Variants in SCN2A observed in about 807,000 individuals in gnomAD.
SCN2A encodes the protein sodium voltage-gated channel alpha subunit 2, also known as sodium channel protein type 2 subunit alpha.
A neutral mutation model predicts 188.7 loss-of-function variants in SCN2A; 20 were observed. The ratio of observed to expected loss-of-function variants is 0.11; its 90% confidence interval spans 0.07 to 0.15. SCN2A has a LOEUF of 0.15. Among genes scored for constraint, SCN2A ranks in the 10% least tolerant of loss-of-function variants. The pLI is 1.00. For missense variants in SCN2A, 1,278 were observed against 2,445.0 expected, an observed-to-expected ratio of 0.52 and a Z score of 10.07; for synonymous variants, 804 against 833.1, an observed-to-expected ratio of 0.97 and a Z score of 0.60.
chr2:165,329,950 C>T (rs1245428529), intron 13 of SCN2A, among the ~76,000 whole-genome samples: 1 of 152,044 alleles, frequency 6.6e-6, no homozygotes, highest in Non-Finnish European at 1.5e-5. Context: ...ATTGACAAAT[C>T]TATTTTTAGT....
At chr2:165,328,575 A>G in intron 13 of SCN2A, 1 of 890,762 alleles carries the variant, frequency 1.1e-6, no homozygotes, top group Non-Finnish European at 1.3e-6. Flanking sequence ...TGCACTTCTG[A>G]TAGCATTAAG....
chr2:165,388,994 G>T lies in SCN2A; in HGVS notation c.5188G>T (p.Asp1730Tyr). ...ACCTATTCTTAATAGTGGACCTCCA[G>T]ACTGTGACCCTGACAAAGATCACCC... is the stretch of plus-strand genomic sequence containing the variant. ...LAPILNSGPPDCDPDKDHPGS... is the reference protein window; with the variant it reads ...LAPILNSGPPYCDPDKDHPGS... The change falls in exon 27 of 27, where the codon GAC becomes TAC. Residue 1730 changes from aspartate to tyrosine, a missense_variant. By Grantham distance (160) the Asp-to-Tyr change is radical (BLOSUM62 -3). Transcript: ENST00000375437. 1 of 1,614,138 alleles carries T rather than the reference G, an allele frequency of 6.2e-7. No individual in the cohort carries two copies.
At position 165,386,899 on chromosome 2, in the gene SCN2A, G is replaced by C; in HGVS notation, c.4705G>C (p.Val1569Leu). The change falls in exon 26 of 27, where the codon GTG (valine) becomes CTG (leucine). Residue 1569 changes from valine to leucine, a missense_variant. Val to Leu is a conservative substitution (Grantham distance 32). Coordinates refer to ENST00000375437, the MANE Select transcript of SCN2A (RefSeq NM_001040142.2). ...AAACATTCTGTACTGGATTAATCTG[G>C]TGTTTATTGTTCTGTTCACTGGAGA... The part of the protein sequence containing the change: ...MTNILYWINL[V>L]FIVLFTGECV... 6.2e-7 allele frequency: 1 copy of C among 1,613,920 alleles called. No homozygotes were observed. The highest frequency in any genetic ancestry group is 1.1e-5 in the South Asian group (1 of 91,070).
intron 11 of SCN2A, among the ~76,000 whole-genome samples, chr2:165,321,691 C>A (rs1395791295): frequency 6.6e-6 from 1 of 152,112 alleles, no homozygotes; most frequent in Non-Finnish European, 1.5e-5. Context: ...TCTCATGAGA[C>A]TTATTCACTA....
At chr2:165,243,801 G>C (rs1262305035) in intron 1 of SCN2A, 1 of 152,078 alleles carries the variant, frequency 6.6e-6, no homozygotes, top group African/African-American at 2.4e-5. Context: ...GCAGTGGAAA[G>C]ACTTGAAGAA....
chr2:165,256,501 A>G (rs1694335306), intron 1 of SCN2A, among the ~76,000 whole-genome samples: 1 of 152,142 alleles, frequency 6.6e-6, no homozygotes, highest in African/African-American at 2.4e-5. Flanking sequence ...CATTCTTAAT[A>G]ATTATTTCCA....
At chr2:165,294,040 A>ATTTT (rs1553563950) in intron 1 of SCN2A, 29 of 630,308 alleles carry the variant, frequency 4.6e-5, no homozygotes, top group Non-Finnish European at 5.2e-5. Flanking sequence ...AAAAAAAAAG[A>ATTTT]TTTTTTTTTT....
rs777139 is a variant in SCN2A, at chr2:165,323,837, T to A, written c.2016+337T>A. ...TAAATCCAAGGAAATTAATGCTCAC[T>A]AATTAAATAAATACTTAAGGATTTT... On this transcript the variant is annotated intron_variant, in intron 12 of 26. Coordinates refer to ENST00000375437, the MANE Select transcript of SCN2A (RefSeq NM_001040142.2). 0.99 allele frequency among the ~76,000 whole-genome samples: 150,923 copies of A among 152,352 alleles called. 74,769 individuals carry two copies. The highest frequency in any genetic ancestry group is 1 in the Middle Eastern group (294 of 294).
intron 1 of SCN2A, among the ~76,000 whole-genome samples, chr2:165,245,976 C>G (rs1020607775): frequency 2.6e-5 from 4 of 152,074 alleles, no homozygotes; most frequent in Non-Finnish European, 5.9e-5. Context: ...TTGTTGAATC[C>G]TTAGTTATAT....
At position 165,265,471 on chromosome 2, in the gene SCN2A, CTATATATATATATA is replaced by C. The variant is rs1178289931; in HGVS notation, c.-52+25863_-52+25876del. ...TAGGTTATGTGTTTACTCTGTTGAT[CTATATATATATATA>C]TATATATATATATATATATATATAT... is the stretch of plus-strand genomic sequence containing the variant. On this transcript the variant is annotated intron_variant, in intron 1 of 26. Transcript: ENST00000375437. 7.2e-3 allele frequency among the ~76,000 whole-genome samples: 208 copies of C among 29,022 alleles called. 5 individuals carry two copies. The highest frequency in any genetic ancestry group is 0.012 in the South Asian group (6 of 506). 19.0% of individuals were successfully genotyped at this position (29,022 alleles called of 152,430 possible).
intron 14 of SCN2A, among the ~76,000 whole-genome samples, chr2:165,333,191 C>CAA (rs1698792624): frequency 6.6e-6 from 1 of 151,712 alleles, no homozygotes; most frequent in Admixed American, 6.6e-5. Context: ...ATTATGAAGA[C>CAA]AATAATTAGG....
At chr2:165,309,029 G>T in intron 5 of SCN2A, 1 of 1,111,936 alleles carries the variant, frequency 9.0e-7, no homozygotes, top group Non-Finnish European at 1.3e-6. Flanking sequence ...CAGAGATTAT[G>T]ATTGATGACA....
chr2:165,330,936 A>G (rs938646741), intron 13 of SCN2A, among the ~76,000 whole-genome samples: 3 of 152,212 alleles, frequency 2.0e-5, no homozygotes, highest in African/African-American at 7.2e-5. Flanking sequence ...AGTGTGACTG[A>G]TTAAGGTTCT....
chr2:165,390,029 G>A lies in SCN2A; in HGVS notation c.*205G>A, dbSNP rs976201034. On this transcript the variant is annotated 3_prime_UTR_variant, in exon 27 of 27. Coordinates refer to ENST00000375437, the MANE Select transcript of SCN2A (RefSeq NM_001040142.2). Reference sequence around the variant, plus strand: ...TAAACTGGAGAAATAGTATCGATGGGAGGTTTCTATTTTCACAACCAGCTG... The same window carrying A: ...TAAACTGGAGAAATAGTATCGATGGAAGGTTTCTATTTTCACAACCAGCTG... 2.6e-6 allele frequency: 2 copies of A among 771,394 alleles called. No individual in the cohort carries two copies. Among genetic ancestry groups the A allele is most frequent in the Admixed American group, 3.2e-5 (1 of 31,340 alleles). The allele number at this position is 771,394 out of a possible 1,614,324, so 47.8% of individuals were successfully genotyped here.
intron 1 of SCN2A, among the ~76,000 whole-genome samples, chr2:165,265,471 CTATATA>C (rs1178289931): frequency 0.08 from 2,308 of 28,916 alleles, 49 homozygotes; most frequent in Admixed American, 0.19. Flanking sequence ...CTCTGTTGAT[CTATATA>C]TATATATATA....
chr2:165,270,052 A>T (rs901553688), intron 1 of SCN2A: 1 of 151,900 alleles, frequency 6.6e-6, no homozygotes, highest in Non-Finnish European at 1.5e-5. Flanking sequence ...TAATCTCTTC[A>T]TCCAGTTACT....
chr2:165,253,538 A>G (rs544565468), intron 1 of SCN2A, among the ~76,000 whole-genome samples: 177 of 152,280 alleles, frequency 1.2e-3, no homozygotes, highest in African/African-American at 3.8e-3. Flanking sequence ...TTATTGGGAC[A>G]CAGCCATGCT....
chr2:165,345,035 T>G, intron 16 of SCN2A, 124 bp downstream of exon 16: 5 of 1,207,094 alleles, frequency 4.1e-6, no homozygotes, highest in Non-Finnish European at 6.0e-6. Flanking sequence ...CTATTACTCA[T>G]GACTGTAAGA....
intron 13 of SCN2A, among the ~76,000 whole-genome samples, chr2:165,330,316 G>A (rs1356407473): frequency 6.6e-6 from 1 of 152,166 alleles, no homozygotes; most frequent in Non-Finnish European, 1.5e-5. Flanking sequence ...AACAAATTCT[G>A]CATATTTTTC....
Sources: gnomAD v4.1 joint callset for allele counts (sites outside exome capture counted in the v4.1 genomes callset) on GRCh38, gnomAD v4.1.1 for gene constraint, MANE v1.5 for transcripts, NCBI Gene and HGNC (gene_info 2026-07-23, HGNC 2026-07-21) for gene names.